The following CNTLN variants were observed in gnomAD, a reference collection of about 807,000 sequenced individuals.
CNTLN encodes the protein centlein, also known as centlein, centrosomal protein.
In CNTLN, 212 loss-of-function variants were observed where a neutral mutation model predicts 180.0. That is an observed-to-expected ratio of 1.18 (90% CI 1.05 to 1.32). The LOEUF is 1.32. Among genes scored for constraint, CNTLN ranks in the 40% most tolerant of loss-of-function variants. The pLI is 0.00. For missense variants in CNTLN, 2,095 were observed against 1,610.9 expected (o/e 1.30, Z -5.14); for synonymous variants, 722 against 563.1 (o/e 1.28, Z -3.99).
At chr9:17,282,088 G>C (rs954929983) in intron 6 of CNTLN, among the ~76,000 whole-genome samples, 2 of 152,064 alleles carry the variant, frequency 1.3e-5, no homozygotes, top group Non-Finnish European at 2.9e-5. Flanking sequence ...TCAGCCTCCT[G>C]AGTAGCTGGG....
chr9:17,274,528 T>A (rs143649809), intron 6 of CNTLN, among the ~76,000 whole-genome samples: 1,860 of 151,972 alleles, frequency 0.012, 43 homozygotes, highest in African/African-American at 0.043. Flanking sequence ...TATCCATCCA[T>A]CCACATGCAT....
At chr9:17,136,885 T>C (rs749562157) in intron 1 of CNTLN, among the ~76,000 whole-genome samples, 5 of 152,206 alleles carry the variant, frequency 3.3e-5, no homozygotes, top group African/African-American at 4.8e-5. Flanking sequence ...TGTGAACCCA[T>C]GATAAAGGCC....
intron 10 of CNTLN, among the ~76,000 whole-genome samples, chr9:17,339,315 A>C (rs1392933211): frequency 6.6e-6 from 1 of 152,230 alleles, no homozygotes; most frequent in Non-Finnish European, 1.5e-5. Flanking sequence ...TGAGAGGTCA[A>C]GAAACAGTTA....
At chr9:17,199,744 T>C (rs1479620717) in intron 2 of CNTLN, among the ~76,000 whole-genome samples, 2 of 152,192 alleles carry the variant, frequency 1.3e-5, no homozygotes, top group African/African-American at 4.8e-5. Context: ...TATTAGACTT[T>C]TGTCAGATGA....
intron 2 of CNTLN, among the ~76,000 whole-genome samples, chr9:17,175,176 G>T (rs1820646252): frequency 6.6e-6 from 1 of 152,074 alleles, no homozygotes. Flanking sequence ...TCTTCAATGG[G>T]TATGTTTTTG....
intron 8 of CNTLN, among the ~76,000 whole-genome samples, chr9:17,321,645 A>G (rs944497401): frequency 3.9e-5 from 6 of 152,198 alleles, no homozygotes; most frequent in African/African-American, 1.2e-4. Flanking sequence ...GATAGTGACT[A>G]TTTGGCATTA....
chr9:17,364,677 T>TA lies in CNTLN; in HGVS notation c.1887-1939dup, dbSNP rs1283981185. Among the ~76,000 whole-genome samples, 4 of 152,198 alleles carry TA rather than the reference T, an allele frequency of 2.6e-5. No individual in the cohort carries two copies. The East Asian group carries it at 7.7e-4, about 29-fold the overall frequency. ...ATGGCTTTGAACTTATTTATATACT[T>TA]ATTGTCTCCATGCTTGACTCGAGAA... On this transcript the variant is annotated intron_variant, in intron 12 of 25. Coordinates refer to ENST00000380647, the MANE Select transcript of CNTLN (RefSeq NM_017738.4).
At position 17,411,801 on chromosome 9, in the gene CNTLN, CT is replaced by C. The variant is rs561127188; in HGVS notation, c.2796+2329del. Reference sequence around the variant, plus strand: ...CCACCTCCCCGACCCACTCCACCCCCTATCCATGCAAAAATTTTCTTCCACA... The same window carrying C: ...CCACCTCCCCGACCCACTCCACCCCCATCCATGCAAAAATTTTCTTCCACA... On this transcript the variant is annotated intron_variant, in intron 16 of 25. Coordinates refer to ENST00000380647, the MANE Select transcript of CNTLN (RefSeq NM_017738.4). 8.0e-4 allele frequency among the ~76,000 whole-genome samples: 122 copies of C among 152,218 alleles called. 3 individuals carry two copies. The South Asian group carries it at 0.023, about 28-fold the overall frequency.
At chr9:17,166,163 C>T (rs890422084) in intron 2 of CNTLN, among the ~76,000 whole-genome samples, 2 of 151,694 alleles carry the variant, frequency 1.3e-5, no homozygotes, top group Non-Finnish European at 2.9e-5. Context: ...TATTGTAAGA[C>T]ATGTAAGGGA....
chr9:17,161,895 C>CTT (rs145929901), intron 2 of CNTLN, among the ~76,000 whole-genome samples: 1 of 150,732 alleles, frequency 6.6e-6, no homozygotes, highest in African/African-American at 2.4e-5. Flanking sequence ...TCCTCCAGTC[C>CTT]TTTTTTTTTC....
intron 13 of CNTLN, among the ~76,000 whole-genome samples, chr9:17,372,521 C>G (rs1824410962): frequency 6.6e-6 from 1 of 152,078 alleles, no homozygotes; most frequent in South Asian, 2.1e-4. Context: ...GACCTGGTGA[C>G]TTCACTGCTG....
At chr9:17,338,339 T>TTTTTTTTG (rs1821210091) in intron 10 of CNTLN, among the ~76,000 whole-genome samples, 1 of 140,236 alleles carries the variant, frequency 7.1e-6, no homozygotes, top group Non-Finnish European at 1.6e-5. Flanking sequence ...TAATTTTTGT[T>TTTTTTTTG]TTTTTTTTTT....
chr9:17,140,757 G>A (rs1214907071), intron 1 of CNTLN, among the ~76,000 whole-genome samples: 1 of 152,048 alleles, frequency 6.6e-6, no homozygotes, highest in Non-Finnish European at 1.5e-5. Flanking sequence ...ATGTTAATTA[G>A]CTTGATTTAA....
intron 2 of CNTLN, among the ~76,000 whole-genome samples, chr9:17,178,055 C>T (rs62558271): frequency 6.7e-6 from 1 of 149,022 alleles, no homozygotes; most frequent in East Asian, 1.9e-4. Context: ...CCCTGAGCTA[C>T]ACACAGGGTG....
At chr9:17,146,584 T>C (rs942767751) in intron 2 of CNTLN, among the ~76,000 whole-genome samples, 20 of 152,128 alleles carry the variant, frequency 1.3e-4, no homozygotes, top group African/African-American at 4.8e-4. Flanking sequence ...ACAGAAGGTG[T>C]CATTTACATG....
Position 17,384,290 on chromosome 9 carries a change from G to GAAA in CNTLN, c.1988-3862_1988-3860dup, listed in dbSNP as rs34297599. Among the ~76,000 whole-genome samples the GAAA allele has an allele frequency of 5.3e-3, 783 of 148,318 alleles. 1 individual carries two copies. The highest frequency in any genetic ancestry group is 8.3e-3 in the African/African-American group (335 of 40,424). The stretch of plus-strand genomic sequence containing the variant: ...GGGTGTAATTTACAATAAATAAAAT[G>GAAA]AAAAAAAAAAAACTACTTATCCTTC... On this transcript the variant is annotated intron_variant, in intron 13 of 25. Coordinates refer to ENST00000380647, the MANE Select transcript of CNTLN (RefSeq NM_017738.4).
At chr9:17,453,892 A>C (rs971669216) in intron 18 of CNTLN, among the ~76,000 whole-genome samples, 1 of 152,196 alleles carries the variant, frequency 6.6e-6, no homozygotes, top group African/African-American at 2.4e-5. Context: ...CTTCTTTGAA[A>C]GGGCTCATCT....
downstream of CNTLN, among the ~76,000 whole-genome samples, chr9:17,507,149 C>G (rs1224317984): frequency 6.6e-6 from 1 of 152,104 alleles, no homozygotes; most frequent in East Asian, 1.9e-4. Context: ...CTCCTTTTCC[C>G]CACTTTTGGA....
At chr9:17,376,040 T>C (rs1824730994) in intron 13 of CNTLN, among the ~76,000 whole-genome samples, 1 of 152,208 alleles carries the variant, frequency 6.6e-6, no homozygotes, top group Non-Finnish European at 1.5e-5. Context: ...TTACTGTTGT[T>C]GCTCCAATGC....
Sources: allele counts gnomAD v4.1 joint callset (sites outside exome capture counted in the v4.1 genomes callset), GRCh38; gene constraint gnomAD v4.1.1; transcripts MANE v1.5; gene names NCBI Gene and HGNC (gene_info 2026-07-23, HGNC 2026-07-21).